DNAJC5: variants seen among roughly 807,000 people sequenced by gnomAD.
DNAJC5 encodes the protein DnaJ heat shock protein family (Hsp40) member C5, also known as dnaJ homolog subfamily C member 5.
A neutral mutation model predicts 23.2 loss-of-function variants in DNAJC5; 1 was observed. That is an observed-to-expected ratio of 0.04 (90% CI 0.02 to 0.20). The LOEUF (loss-of-function observed/expected upper bound fraction) is 0.20. Among genes scored for constraint, DNAJC5 ranks in the 10% least tolerant of loss-of-function variants. The pLI, the probability that DNAJC5 is intolerant of heterozygous loss-of-function variation, is 1.00. For synonymous variants in DNAJC5, 136 were observed against 120.0 expected (o/e 1.13, Z -0.87); for missense variants, 180 against 267.0 (o/e 0.67, Z 2.27).
Position 63,931,543 on chromosome 20 carries a change from G to T in DNAJC5, c.572G>T (p.Ser191Ile). 6.3e-7 allele frequency: 1 copy of T among 1,581,238 alleles called. No individual in the cohort carries two copies. The stretch of plus-strand genomic sequence containing the variant: ...CAGCTCACAGCCGACTCCCACCCCA[G>T]CTACCACACTGACGGGTTCAACTAA... ...TTQLTADSHP[S>I]YHTDGFN The change falls in exon 5 of 5, where the codon AGC (serine) becomes ATC (isoleucine). Residue 191 changes from serine to isoleucine, a missense_variant. Coordinates refer to ENST00000360864, the MANE Select transcript of DNAJC5 (RefSeq NM_025219.3). This position sits in a 1 kb window ranked among gnomAD's most constrained non-coding sequence, Gnocchi z 9.6.
At position 63,920,542 on chromosome 20, in the gene DNAJC5, A is replaced by G. The variant is rs1335981274; in HGVS notation, c.-11-7793A>G. ...CGGGTCCCCGCCATTTCAGAAGCTCAGCGTCCCTGCACGTGTGCGGTCTTG... is the reference window on the plus strand; with the variant it reads ...CGGGTCCCCGCCATTTCAGAAGCTCGGCGTCCCTGCACGTGTGCGGTCTTG... On this transcript the variant is annotated intron_variant, in intron 1 of 4. Transcript: ENST00000360864. The surrounding 1 kb of genome is among the most constrained non-coding windows in gnomAD (Gnocchi z 4.6). Among the ~76,000 whole-genome samples, 9 of 152,224 alleles carry G rather than the reference A, an allele frequency of 5.9e-5. No individual in the cohort carries two copies. The highest frequency in any genetic ancestry group is 1.3e-4 in the Non-Finnish European group (9 of 68,028).
At chr20:63,925,533 G>A (rs2053605618) in intron 1 of DNAJC5, among the ~76,000 whole-genome samples, 1 of 151,846 alleles carries the variant, frequency 6.6e-6, no homozygotes, top group South Asian at 2.1e-4. Context: ...GGTGAAGGAT[G>A]GGGATCAATC....
chr20:63,921,787 T>A (rs1283460161), intron 1 of DNAJC5, among the ~76,000 whole-genome samples: 1 of 151,488 alleles, frequency 6.6e-6, no homozygotes, highest in African/African-American at 2.4e-5. Context: ...CCTTGAAAGT[T>A]TTTTTTTTGG....
At chr20:63,897,964 C>T (rs1187492274) in intron 1 of DNAJC5, among the ~76,000 whole-genome samples, 3 of 152,212 alleles carry the variant, frequency 2.0e-5, no homozygotes, top group Non-Finnish European at 2.9e-5. Context: ...AGACGCTGCA[C>T]GTTTCTCAGG....
chr20:63,909,821 G>C (rs138873889), intron 1 of DNAJC5, among the ~76,000 whole-genome samples: 3 of 152,366 alleles, frequency 2.0e-5, no homozygotes, highest in Non-Finnish European at 2.9e-5. Context: ...GAGCCTGCGG[G>C]GGGCAGCAGA....
rs772453351 is a variant in DNAJC5 at position 63,929,397 on chromosome 20, G to A, written c.193G>A (p.Ala65Thr). ...GTTTAAGGAGATCAACAACGCGCAC[G>A]CCATCCTCACGGACGCCACAAAAAG... ...DKFKEINNAHAILTDATKRNI... is the reference protein window; with the variant it reads ...DKFKEINNAHTILTDATKRNI... The change falls in exon 3 of 5, where the codon GCC becomes ACC. Residue 65 changes from alanine (A) to threonine (T), a missense_variant. Physicochemically the swap from Ala to Thr is moderately conservative, Grantham distance 58. This residue lies in a region of DNAJC5 where 77 missense variants were observed against 106.8 expected (regional missense o/e 0.72). Coordinates refer to ENST00000360864, the MANE Select transcript of DNAJC5 (RefSeq NM_025219.3). This position sits in a 1 kb window ranked among gnomAD's most constrained non-coding sequence, Gnocchi z 8.6. 57 of 1,614,026 alleles carry A rather than the reference G, an allele frequency of 3.5e-5. No homozygotes were observed. In the South Asian group the frequency reaches 6.0e-4, roughly 17 times the overall value.
chr20:63,932,107 C>T lies in DNAJC5; in HGVS notation c.*539C>T, dbSNP rs943970167. ...TCACCTGCCAGAAGAGAGGCGGGGCCGCGTCCTCCTGGCGTCACCGGCGTC... is the reference window on the plus strand; with the variant it reads ...TCACCTGCCAGAAGAGAGGCGGGGCTGCGTCCTCCTGGCGTCACCGGCGTC... On this transcript the variant is annotated 3_prime_UTR_variant, in exon 5 of 5. Coordinates refer to ENST00000360864, the MANE Select transcript of DNAJC5 (RefSeq NM_025219.3). This position sits in a 1 kb window ranked among gnomAD's most constrained non-coding sequence, Gnocchi z 4.4. 24 of 189,628 alleles carry T rather than the reference C, an allele frequency of 1.3e-4. No homozygotes were observed. Among genetic ancestry groups the T allele is most frequent in the Admixed American group, 3.7e-4 (7 of 18,708 alleles). The allele number at this position is 189,628 out of a possible 1,614,324, so 11.7% of individuals were successfully genotyped here. A position where few individuals can be genotyped will look rare whatever the true frequency, so the allele number is the denominator to read the frequency against.
intron 1 of DNAJC5, among the ~76,000 whole-genome samples, chr20:63,921,281 A>G (rs1265877381): frequency 6.6e-6 from 1 of 152,008 alleles, no homozygotes; most frequent in Non-Finnish European, 1.5e-5. Flanking sequence ...TTTTAAAGAT[A>G]ATGATGTCAC....
At chr20:63,900,526 A>G (rs575180482) in intron 1 of DNAJC5, among the ~76,000 whole-genome samples, 10 of 139,938 alleles carry the variant, frequency 7.1e-5, no homozygotes, top group East Asian at 2.3e-4. Flanking sequence ...GCAGCAAGCC[A>G]TGATTGCTCC....
At chr20:63,899,035 A>AGGACAAGATCAGGGCTCACGTGACTGGG (rs1389975700) in intron 1 of DNAJC5, among the ~76,000 whole-genome samples, 2 of 152,152 alleles carry the variant, frequency 1.3e-5, no homozygotes, top group Non-Finnish European at 2.9e-5. Flanking sequence ...TTCGTGAAAG[A>AGGACAAGATCAGGGCTCACGTGACTGGG]GGACAAGATC....
intron 1 of DNAJC5, among the ~76,000 whole-genome samples, chr20:63,912,319 A>G (rs988121995): frequency 1.3e-5 from 2 of 151,716 alleles, no homozygotes; most frequent in African/African-American, 4.8e-5. Context: ...AAAAAAAAAA[A>G]GAGTAAAGGT....
chr20:63,928,221 A>C lies in DNAJC5; in HGVS notation c.-11-114A>C, dbSNP rs2053631569. ...GTCTGTGCACGTGGCAAACTCCACA[A>C]GGCAGTGTTGGATTCTTTTGCTTTG... On this transcript the variant is annotated intron_variant, in intron 1 of 4. Coordinates refer to ENST00000360864, the MANE Select transcript of DNAJC5 (RefSeq NM_025219.3). The surrounding 1 kb of genome is among the most constrained non-coding windows in gnomAD (Gnocchi z 4.6). 1 of 855,760 alleles carries C rather than the reference A, an allele frequency of 1.2e-6. No homozygotes were observed. Among genetic ancestry groups the C allele is most frequent in the East Asian group, 2.6e-5 (1 of 38,298 alleles). 53.0% of individuals were successfully genotyped at this position (855,760 alleles called of 1,614,324 possible). A position where few individuals can be genotyped will look rare whatever the true frequency, so the allele number is the denominator to read the frequency against.
chr20:63,924,729 G>A (rs2053598066), intron 1 of DNAJC5, among the ~76,000 whole-genome samples: 1 of 152,228 alleles, frequency 6.6e-6, no homozygotes, highest in Admixed American at 6.5e-5. Flanking sequence ...CGTGCCTGTA[G>A]TCCCGTGCCT....
In DNAJC5 at chr20:63,929,312, G is replaced by C. The variant is rs774703054; in HGVS notation, c.108G>C (p.Arg36=). 6.2e-7 allele frequency: 1 copy of C among 1,613,408 alleles called. No individual in the cohort carries two copies. The highest frequency in any genetic ancestry group is 1.3e-5 in the African/African-American group (1 of 74,898). Residue 36 remains arginine (R), a splice_region_variant and synonymous_variant, in exon 3 of 5, where the codon CGG becomes CGC. Coordinates refer to ENST00000360864, the MANE Select transcript of DNAJC5 (RefSeq NM_025219.3). The surrounding 1 kb of genome is among the most constrained non-coding windows in gnomAD (Gnocchi z 8.6). ...GCCAGGACATGGTTTTGGTTTGCAG[G>C]AAGCTTGCCTTGAAATATCACCCCG... The part of the protein sequence containing the change: ...ATSDDIKKSY[R]KLALKYHPDK...
intron 1 of DNAJC5, among the ~76,000 whole-genome samples, chr20:63,924,901 T>C (rs4809384): frequency 0.076 from 11,545 of 152,326 alleles, 757 homozygotes; most frequent in East Asian, 0.24. Flanking sequence ...ACCTGTGTTA[T>C]AGCTTGTACT....
chr20:63,899,851 G>A (rs918493274), intron 1 of DNAJC5, among the ~76,000 whole-genome samples: 2 of 149,830 alleles, frequency 1.3e-5, no homozygotes, highest in East Asian at 2.0e-4. Flanking sequence ...AAAGTGCTGG[G>A]ATTGCAGGTG....
At chr20:63,897,248 G>T (rs767511671) in intron 1 of DNAJC5, among the ~76,000 whole-genome samples, 5 of 152,108 alleles carry the variant, frequency 3.3e-5, no homozygotes, top group Non-Finnish European at 7.4e-5. Context: ...TACAAAATTA[G>T]CTGGGTGTGG....
Position 63,931,525 on chromosome 20 carries a change from C to T in DNAJC5, c.554C>T (p.Thr185Ile). The T allele has an allele frequency of 6.3e-7, 1 of 1,583,980 alleles. No individual in the cohort carries two copies. Among genetic ancestry groups the T allele is most frequent in the Middle Eastern group, 1.7e-4 (1 of 6,030 alleles). Residue 185 changes from threonine (T) to isoleucine (I), a missense_variant, in exon 5 of 5, where the codon ACA becomes ATA. This residue lies in a region of DNAJC5 where 97 missense variants were observed against 123.4 expected (regional missense o/e 0.79). Transcript: ENST00000360864. This position sits in a 1 kb window ranked among gnomAD's most constrained non-coding sequence, Gnocchi z 9.6. ...TCCGCCACCGAGACCACCCAGCTCACAGCCGACTCCCACCCCAGCTACCAC... is the reference window on the plus strand; with the variant it reads ...TCCGCCACCGAGACCACCCAGCTCATAGCCGACTCCCACCCCAGCTACCAC... Reference protein sequence around the residue: ...PASATETTQLTADSHPSYHTD... With the variant: ...PASATETTQLIADSHPSYHTD...
At position 63,917,986 on chromosome 20, in the gene DNAJC5, C is replaced by T. The variant is rs114462387; in HGVS notation, c.-11-10349C>T. Among the ~76,000 whole-genome samples, 757 of 152,298 alleles carry T rather than the reference C, an allele frequency of 5.0e-3. 5 individuals carry two copies. The highest frequency in any genetic ancestry group is 0.017 in the African/African-American group (714 of 41,562). ...CTCCTGCCAGTGTCTGTGCTGCTCACGGTAGCTGCATCAGCTTCACGCTGT... is the reference window on the plus strand; with the variant it reads ...CTCCTGCCAGTGTCTGTGCTGCTCATGGTAGCTGCATCAGCTTCACGCTGT... On this transcript the variant is annotated intron_variant, in intron 1 of 4. Transcript: ENST00000360864.
Sources: allele counts gnomAD v4.1 joint callset (sites outside exome capture counted in the v4.1 genomes callset), GRCh38; gene constraint gnomAD v4.1.1; regional missense constraint gnomAD v4.1.1; non-coding constraint Gnocchi (gnomAD v3.1); transcripts MANE v1.5; gene names NCBI Gene and HGNC (gene_info 2026-07-23, HGNC 2026-07-21).